RABGAP1L: variants seen among roughly 807,000 people sequenced by gnomAD.
The protein encoded by RABGAP1L is rab GTPase-activating protein 1-like.
Under a neutral mutation model 137.7 loss-of-function variants are expected in RABGAP1L, and 63 were observed. That is an observed-to-expected ratio of 0.46 (90% confidence interval 0.37 to 0.56). The LOEUF is 0.56. Among genes scored for constraint, RABGAP1L ranks in the 20% least tolerant of loss-of-function variants. The probability of loss-of-function intolerance (pLI) is 0.00; values close to 1 mark genes in which losing one functional copy is unlikely to be tolerated. For missense variants in RABGAP1L, 1,095 were observed against 1,244.0 expected, an observed-to-expected ratio of 0.88 and a Z score of 1.80; for synonymous variants, 431 against 433.7, an observed-to-expected ratio of 0.99 and a Z score of 0.08.
intron 19 of RABGAP1L, among the ~76,000 whole-genome samples, chr1:174,915,112 ACTATGAATAATGCTC>A (rs2149208360): frequency 6.6e-6 from 1 of 152,334 alleles, no homozygotes; most frequent in East Asian, 1.9e-4. Context: ...GTTTTTGGCT[ACTATGAATAATGCTC>A]CTATGAATGT....
At chr1:174,325,471 C>T (rs1680357474) in intron 11 of RABGAP1L, among the ~76,000 whole-genome samples, 6 of 152,154 alleles carry the variant, frequency 3.9e-5, no homozygotes, top group Admixed American at 3.9e-4. Context: ...AACATGCAAC[C>T]AAGGCTGTAA....
intron 17 of RABGAP1L, among the ~76,000 whole-genome samples, chr1:174,728,789 A>G (rs1682217177): frequency 6.6e-6 from 1 of 151,940 alleles, no homozygotes; most frequent in African/African-American, 2.4e-5. Flanking sequence ...CTACAGGCGC[A>G]AGCCACCATG....
intron 13 of RABGAP1L, among the ~76,000 whole-genome samples, chr1:174,543,502 T>C (rs1665684024): frequency 6.6e-6 from 1 of 152,188 alleles, no homozygotes; most frequent in South Asian, 2.1e-4. Context: ...GCCTGTGAGA[T>C]GGGTTTCCTG....
intron 1 of RABGAP1L, among the ~76,000 whole-genome samples, chr1:174,213,045 G>A (rs1345138071): frequency 1.3e-5 from 2 of 152,168 alleles, no homozygotes; most frequent in African/African-American, 4.8e-5. Flanking sequence ...AAGCTGTAAT[G>A]AAAAGTGTCC....
intron 10 of RABGAP1L, among the ~76,000 whole-genome samples, chr1:174,291,585 A>G (rs913659032): frequency 2.0e-5 from 3 of 152,138 alleles, no homozygotes; most frequent in African/African-American, 4.8e-5. Context: ...ATCTGGGCCT[A>G]TAGTTTACTT....
chr1:174,555,993 C>CT (rs367653521), intron 13 of RABGAP1L, among the ~76,000 whole-genome samples: 13,919 of 115,420 alleles, frequency 0.12, 1,054 homozygotes, highest in Middle Eastern at 0.26. Context: ...GTTCGTTTGC[C>CT]TTTTTTTTTT....
At chr1:174,215,472 AT>A (rs1669227410) in intron 1 of RABGAP1L, among the ~76,000 whole-genome samples, 4 of 127,352 alleles carry the variant, frequency 3.1e-5, no homozygotes, top group African/African-American at 8.0e-5. Flanking sequence ...AAAAAAAATA[AT>A]AATAATAAAA....
intron 14 of RABGAP1L, among the ~76,000 whole-genome samples, chr1:174,670,284 A>G (rs1677078731): frequency 2.0e-5 from 3 of 149,764 alleles, no homozygotes; most frequent in African/African-American, 7.3e-5. Context: ...GTGGGTGTAT[A>G]TATTTATGGG....
intron 17 of RABGAP1L, among the ~76,000 whole-genome samples, chr1:174,713,734 A>C (rs1680772787): frequency 6.6e-6 from 1 of 152,380 alleles, no homozygotes; most frequent in South Asian, 2.1e-4. Context: ...TAAATTACCC[A>C]GCTTCAGGTG....
At position 174,916,122 on chromosome 1, in the gene RABGAP1L, A is replaced by AT. The variant is rs1269750284; in HGVS notation, c.2341-41325dup. Among the ~76,000 whole-genome samples the AT allele has an allele frequency of 1.2e-3, 160 of 132,484 alleles. 1 individual carries two copies. The highest frequency in any genetic ancestry group is 7.3e-3 in the East Asian group (34 of 4,662). The allele number at this position is 132,484 out of a possible 152,430, so 86.9% of individuals were successfully genotyped here. On this transcript the variant is annotated intron_variant, in intron 19 of 25. Coordinates refer to ENST00000681986, the MANE Select transcript of RABGAP1L (RefSeq NM_001366446.1). ...TGGTATGAGGTAAGGGTCTATGTAC[A>AT]TTTTTTTTTTGTATAGGGCTATCCA...
At chr1:174,317,093 G>T (rs1305803650) in intron 11 of RABGAP1L, among the ~76,000 whole-genome samples, 1 of 151,934 alleles carries the variant, frequency 6.6e-6, no homozygotes, top group Non-Finnish European at 1.5e-5. Flanking sequence ...CAAGAGTCAA[G>T]TTCTGGAATC....
intron 13 of RABGAP1L, among the ~76,000 whole-genome samples, chr1:174,492,347 AT>A (rs1273015833): frequency 0.029 from 3,581 of 123,968 alleles, 141 homozygotes; most frequent in African/African-American, 0.1. Flanking sequence ...CGCCTGACTA[AT>A]TTTTTTTTTT....
chr1:174,560,616 G>T (rs1667150339), intron 13 of RABGAP1L, among the ~76,000 whole-genome samples: 3 of 152,154 alleles, frequency 2.0e-5, no homozygotes, highest in Admixed American at 2.0e-4. Context: ...TGTTACATGA[G>T]TAAATTGTGC....
At chr1:174,375,975 C>T (rs1240264768) in intron 12 of RABGAP1L, among the ~76,000 whole-genome samples, 1 of 151,740 alleles carries the variant, frequency 6.6e-6, no homozygotes, top group Non-Finnish European at 1.5e-5. Flanking sequence ...GGCTGAGGCA[C>T]AAGAATTGCC....
chr1:174,854,715 C>CTTTTTTTTT lies in RABGAP1L; in HGVS notation c.2340+42792_2340+42800dup, dbSNP rs71117584. ...AACTGCAATAGACTCAATATAAATG[C>CTTTTTTTTT]TTTTTTTTTTTTTTTTTTTTTTTTT... On this transcript the variant is annotated intron_variant, in intron 19 of 25. Coordinates refer to ENST00000681986, the MANE Select transcript of RABGAP1L (RefSeq NM_001366446.1). 3.3e-4 allele frequency among the ~76,000 whole-genome samples: 19 copies of CTTTTTTTTT among 56,864 alleles called. 1 individual carries two copies. Among genetic ancestry groups the CTTTTTTTTT allele is most frequent in the South Asian group, 5.2e-4 (1 of 1,922 alleles). The allele number at this position is 56,864 out of a possible 152,430, so 37.3% of individuals were successfully genotyped here. A position where few individuals can be genotyped will look rare whatever the true frequency, so the allele number is the denominator to read the frequency against.
chr1:174,892,576 G>T, intron 19 of RABGAP1L: 1 of 530,634 alleles, frequency 1.9e-6, no homozygotes, highest in African/African-American at 1.9e-5. Flanking sequence ...ACTCAAGGGT[G>T]GTATTTACAT....
At chr1:174,250,448 A>C (rs780790211) in intron 5 of RABGAP1L, 27 bp from the exon 6 acceptor site, 1 of 1,574,928 alleles carries the variant, frequency 6.3e-7, no homozygotes, top group East Asian at 2.3e-5. Context: ...CCTTTGCCTA[A>C]TGGTATTTCC....
At chr1:174,265,155 C>T (rs917167407) in intron 7 of RABGAP1L, among the ~76,000 whole-genome samples, 1 of 152,094 alleles carries the variant, frequency 6.6e-6, no homozygotes, top group Non-Finnish European at 1.5e-5. Context: ...ATTGTGTTTA[C>T]AAATACATTC....
chr1:174,502,335 T>G (rs1661354098), intron 13 of RABGAP1L, among the ~76,000 whole-genome samples: 1 of 151,402 alleles, frequency 6.6e-6, no homozygotes, highest in African/African-American at 2.4e-5. Flanking sequence ...GCTGGCCAGG[T>G]CACTACTCCA....
Sources: allele counts gnomAD v4.1 joint callset (sites outside exome capture counted in the v4.1 genomes callset), GRCh38; gene constraint gnomAD v4.1.1; transcripts MANE v1.5; gene names NCBI Gene and HGNC (gene_info 2026-07-23, HGNC 2026-07-21).